CFAP77: variants seen among roughly 807,000 people sequenced by gnomAD.
CFAP77 encodes cilia- and flagella-associated protein 77.
Under a neutral mutation model 31.1 loss-of-function variants are expected in CFAP77, and 25 were observed. The observed-to-expected ratio is 0.80, with a 90% CI of 0.59 to 1.12. The LOEUF (loss-of-function observed/expected upper bound fraction) is 1.12. Ranked by LOEUF, CFAP77 falls within the 50% of genes most tolerant of loss-of-function variation. CFAP77 has a pLI of 0.00. For synonymous variants in CFAP77, 151 were observed against 159.9 expected (o/e 0.94, Z 0.42); for missense variants, 377 against 397.3 (o/e 0.95, Z 0.44).
intron 5 of CFAP77, among the ~76,000 whole-genome samples, chr9:132,553,576 C>T (rs1028537357): frequency 3.9e-5 from 6 of 152,216 alleles, no homozygotes; most frequent in African/African-American, 1.4e-4. Flanking sequence ...GCTTCTTGAT[C>T]CCCATGGAAT....
intron 1 of CFAP77, among the ~76,000 whole-genome samples, chr9:132,450,200 G>A (rs1850802375): frequency 6.6e-6 from 1 of 151,242 alleles, no homozygotes. Flanking sequence ...AAAGTGCTGG[G>A]ATTACAGGTG....
rs1851777265 is a variant in CFAP77, at chr9:132,498,262, G to A, written c.196-433G>A. On this transcript the variant is annotated intron_variant, in intron 1 of 5. Transcript: ENST00000393216. The surrounding 1 kb of genome is among the most constrained non-coding windows in gnomAD (Gnocchi z 4.2). ...ATGGTTTGAGTGGTCCCTGGTATGA[G>A]GAAGGTGGGAATGAAGGTAGGAAAG... Among the ~76,000 whole-genome samples, 3 of 152,094 alleles carry A rather than the reference G, an allele frequency of 2.0e-5. No homozygotes were observed. The highest frequency in any genetic ancestry group is 2.0e-4 in the Admixed American group (3 of 15,268).
At position 132,499,468 on chromosome 9, in the gene CFAP77, G is replaced by C; in HGVS notation, c.392G>C (p.Gly131Ala). The C allele has an allele frequency of 6.2e-7, 1 of 1,614,198 alleles. No individual in the cohort carries two copies. Among genetic ancestry groups the C allele is most frequent in the Non-Finnish European group, 8.5e-7 (1 of 1,180,042 alleles). The change falls in exon 3 of 6, where the codon GGC becomes GCC. Residue 131 changes from glycine to alanine, a missense_variant. Transcript: ENST00000393216. The surrounding 1 kb of genome is among the most constrained non-coding windows in gnomAD (Gnocchi z 5.4). ...ATGAACCGCGGGGCGGTGAAAGCCG[G>C]CCTGGTGACTGCCCGGGAGAACTTG... The part of the protein sequence containing the change: ...IAMNRGAVKA[G>A]LVTARENLLY...
At chr9:132,536,902 A>AT (rs1300150811) in intron 3 of CFAP77, among the ~76,000 whole-genome samples, 4 of 151,972 alleles carry the variant, frequency 2.6e-5, no homozygotes, top group African/African-American at 7.3e-5. Context: ...ACTAGTATCC[A>AT]TTTTCCTGTT....
rs374878429 is a variant in CFAP77 at position 132,442,546 on chromosome 9, C to G, written c.195+32080C>G. 5.3e-4 allele frequency among the ~76,000 whole-genome samples: 81 copies of G among 152,034 alleles called. 1 individual carries two copies. The highest frequency in any genetic ancestry group is 2.0e-3 in the African/African-American group (81 of 41,462). ...CCAGCCTCGGCAACACAGTGAGACC[C>G]CATCTCAAAAAAGAAATCTCTGTGT... On this transcript the variant is annotated intron_variant, in intron 1 of 5. Coordinates refer to ENST00000393216, the MANE Select transcript of CFAP77 (RefSeq NM_001282957.2).
chr9:132,537,592 T>A lies in CFAP77; in HGVS notation c.525-9T>A, dbSNP rs369815330. On this transcript the variant is annotated splice_polypyrimidine_tract_variant and intron_variant, in intron 3 of 5. Coordinates refer to ENST00000393216, the MANE Select transcript of CFAP77 (RefSeq NM_001282957.2). ...GGCCTCAAGCTCTGTCTGGACTTCTTCCCTCCAGGCCTTCCACACCCTTCT... is the reference window on the plus strand; with the variant it reads ...GGCCTCAAGCTCTGTCTGGACTTCTACCCTCCAGGCCTTCCACACCCTTCT... 40 of 1,605,298 alleles carry A rather than the reference T, an allele frequency of 2.5e-5. No homozygotes were observed. The highest frequency in any genetic ancestry group is 3.1e-5 in the Non-Finnish European group (37 of 1,175,226).
chr9:132,462,687 G>A (rs1851073231), intron 1 of CFAP77, among the ~76,000 whole-genome samples: 1 of 152,006 alleles, frequency 6.6e-6, no homozygotes, highest in African/African-American at 2.4e-5. Flanking sequence ...GTGGTGGTGG[G>A]CGCCTGTAAT....
intron 5 of CFAP77, among the ~76,000 whole-genome samples, chr9:132,557,602 A>G (rs1852924900): frequency 6.6e-6 from 1 of 151,982 alleles, no homozygotes; most frequent in Non-Finnish European, 1.5e-5. Context: ...TGGAGAACCG[A>G]TTTTTTCCAA....
intron 3 of CFAP77, among the ~76,000 whole-genome samples, chr9:132,525,997 C>A (rs955119900): frequency 6.6e-6 from 1 of 152,126 alleles, no homozygotes; most frequent in African/African-American, 2.4e-5. Context: ...TTCATTCATT[C>A]ATTGAAGGAT....
chr9:132,461,645 G>T (rs184884146), intron 1 of CFAP77, among the ~76,000 whole-genome samples: 379 of 152,328 alleles, frequency 2.5e-3, no homozygotes, highest in African/African-American at 8.6e-3. Context: ...GGAAGACTGC[G>T]GGGGTTTGTC....
chr9:132,458,357 G>GGTGGGGAGTGT (rs1554738863), intron 1 of CFAP77, among the ~76,000 whole-genome samples: 1 of 119,046 alleles, frequency 8.4e-6, no homozygotes, highest in African/African-American at 3.2e-5. Flanking sequence ...GAGGGGGGGG[G>GGTGGGGAGTGT]GTGTGTATGG....
chr9:132,514,574 T>C (rs1237641473), intron 3 of CFAP77, among the ~76,000 whole-genome samples: 3 of 152,132 alleles, frequency 2.0e-5, no homozygotes, highest in Non-Finnish European at 2.9e-5. Flanking sequence ...CCATTTTGGC[T>C]TCACCGAGCG....
At chr9:132,411,602 A>T (rs1394249394) in intron 1 of CFAP77, among the ~76,000 whole-genome samples, 1 of 152,166 alleles carries the variant, frequency 6.6e-6, no homozygotes, top group East Asian at 1.9e-4. Flanking sequence ...TCAAAGTGGA[A>T]CAAGGTCCTT....
chr9:132,536,381 G>T (rs1011216087), intron 3 of CFAP77, among the ~76,000 whole-genome samples: 1 of 149,686 alleles, frequency 6.7e-6, no homozygotes, highest in Non-Finnish European at 1.5e-5. Flanking sequence ...GCAGATTGTG[G>T]CTCATAGTTC....
chr9:132,457,440 A>G (rs1456622145), intron 1 of CFAP77, among the ~76,000 whole-genome samples: 1 of 152,246 alleles, frequency 6.6e-6, no homozygotes, highest in Non-Finnish European at 1.5e-5. Flanking sequence ...TCCTGCTTCA[A>G]TATCTTCCTC....
chr9:132,510,240 C>T (rs1016980141), intron 3 of CFAP77, among the ~76,000 whole-genome samples: 1 of 152,198 alleles, frequency 6.6e-6, no homozygotes, highest in Non-Finnish European at 1.5e-5. Context: ...CAGGTTGCAT[C>T]GCACATGCTC....
At chr9:132,533,468 C>T (rs371709607) in intron 3 of CFAP77, among the ~76,000 whole-genome samples, 14 of 147,338 alleles carry the variant, frequency 9.5e-5, no homozygotes, top group East Asian at 7.7e-4. Context: ...GGGCTCTAGC[C>T]GAGGACGCTT....
intron 1 of CFAP77, among the ~76,000 whole-genome samples, chr9:132,492,624 A>G (rs1336453428): frequency 2.0e-5 from 3 of 152,170 alleles, no homozygotes; most frequent in Admixed American, 6.5e-5. Context: ...CCGGCTGTCC[A>G]TGCCTTCTTT....
Position 132,565,459 on chromosome 9 carries a change from G to A in CFAP77, c.733-6929G>A, listed in dbSNP as rs751820999. ...AGCCTGGCTAACATGGTAAAACCCC[G>A]TCTCTACTAAAAATATAAAAAATTA... On this transcript the variant is annotated intron_variant, in intron 5 of 5. Coordinates refer to ENST00000393216, the MANE Select transcript of CFAP77 (RefSeq NM_001282957.2). The surrounding 1 kb of genome is among the most constrained non-coding windows in gnomAD (Gnocchi z 4.1). 2.1e-4 allele frequency among the ~76,000 whole-genome samples: 32 copies of A among 151,794 alleles called. No homozygotes were observed. Among genetic ancestry groups the A allele is most frequent in the Non-Finnish European group, 1.0e-4 (7 of 67,970 alleles).
Sources: gnomAD v4.1 joint callset for allele counts (sites outside exome capture counted in the v4.1 genomes callset) on GRCh38, gnomAD v4.1.1 for gene constraint, Gnocchi (gnomAD v3.1) non-coding constraint, MANE v1.5 for transcripts, NCBI Gene and HGNC (gene_info 2026-07-23, HGNC 2026-07-21) for gene names.